SLC44A5: variants seen among roughly 807,000 people sequenced by gnomAD.
The protein encoded by SLC44A5 is solute carrier family 44 member 5.
Under a neutral mutation model 101.8 loss-of-function variants are expected in SLC44A5, and 57 were observed. The ratio of observed to expected loss-of-function variants is 0.56; its 90% CI spans 0.45 to 0.70. The LOEUF is 0.70. Ranked by LOEUF, SLC44A5 falls within the 30% of genes least tolerant of loss-of-function variation. The pLI, the probability that SLC44A5 is intolerant of heterozygous loss-of-function variation, is 0.00. For missense variants in SLC44A5, 737 were observed against 853.1 expected (o/e 0.86, Z 1.70); for synonymous variants, 281 against 290.9 (o/e 0.97, Z 0.35).
chr1:75,613,957 G>A (rs1200192480), upstream of SLC44A5, among the ~76,000 whole-genome samples: 1 of 152,096 alleles, frequency 6.6e-6, no homozygotes, highest in African/African-American at 2.4e-5. Context: ...AATTTCAAGG[G>A]TAAGATTTTC....
At chr1:75,562,690 A>G (rs1435955566) in intron 1 of SLC44A5, among the ~76,000 whole-genome samples, 1 of 145,278 alleles carries the variant, frequency 6.9e-6, no homozygotes, top group Non-Finnish European at 1.5e-5. Context: ...ACTCTGTCAC[A>G]AAAAAATATA....
the SLC44A5 span, among the ~76,000 whole-genome samples, chr1:75,622,031 T>C: frequency 6.6e-6 from 1 of 152,094 alleles, no homozygotes; most frequent in Non-Finnish European, 1.5e-5. Context: ...ATAATAAAAT[T>C]TCACCTGAAT....
chr1:75,419,218 T>A (rs1034676867), intron 2 of SLC44A5, among the ~76,000 whole-genome samples: 14 of 152,220 alleles, frequency 9.2e-5, no homozygotes, highest in Admixed American at 3.3e-4. Flanking sequence ...TAATTTTTTT[T>A]TAAATTGGAA....
intron 4 of SLC44A5, among the ~76,000 whole-genome samples, chr1:75,308,815 C>T (rs538904618): frequency 9.2e-5 from 14 of 152,182 alleles, no homozygotes; most frequent in Admixed American, 3.3e-4. Flanking sequence ...AATGAACTTC[C>T]GGAAATTCTC....
chr1:75,672,153 A>T, the SLC44A5 span, among the ~76,000 whole-genome samples: 1 of 152,276 alleles, frequency 6.6e-6, no homozygotes, highest in East Asian at 1.9e-4. Flanking sequence ...AACTTGCAAC[A>T]GTATCTGCTT....
chr1:75,488,878 C>T (rs1397268712), intron 2 of SLC44A5, among the ~76,000 whole-genome samples: 2 of 152,088 alleles, frequency 1.3e-5, no homozygotes, highest in Admixed American at 6.6e-5. Flanking sequence ...GACTGAGTTT[C>T]GATCTTGTTG....
chr1:75,599,228 T>A (rs954075314), intron 1 of SLC44A5, among the ~76,000 whole-genome samples: 5 of 152,134 alleles, frequency 3.3e-5, no homozygotes, highest in African/African-American at 4.8e-5. Context: ...AATGGGTATC[T>A]AGGAAGGGAC....
In SLC44A5 at chr1:75,385,575, C is replaced by T. The variant is rs150867421; in HGVS notation, c.52+11008G>A. 1.1e-3 allele frequency among the ~76,000 whole-genome samples: 171 copies of T among 152,214 alleles called. 3 individuals are homozygous for T. The East Asian group carries it at 0.027, about 24-fold the overall frequency. The stretch of plus-strand genomic sequence containing the variant: ...ATTGTGGCAATAATCAATAGCTTAC[C>T]GACCAAAAAGAATCCAGGACCAGAT... On this transcript the variant is annotated intron_variant, in intron 3 of 23. Transcript: ENST00000370859.
chr1:75,404,663 C>T (rs1387965621), intron 2 of SLC44A5, among the ~76,000 whole-genome samples: 1 of 152,116 alleles, frequency 6.6e-6, no homozygotes, highest in Non-Finnish European at 1.5e-5. Context: ...GTTTTGTCAC[C>T]ACCAGGACTG....
At chr1:75,708,387 C>T in the SLC44A5 span, among the ~76,000 whole-genome samples, 2 of 116,768 alleles carry the variant, frequency 1.7e-5, no homozygotes, top group South Asian at 5.7e-4. Flanking sequence ...GCACTCCAGC[C>T]TGTGTGACAG....
chr1:75,234,191 A>G (rs1441658731), intron 11 of SLC44A5, 93 bp from the exon 12 acceptor site: 3 of 773,306 alleles, frequency 3.9e-6, no homozygotes, highest in Non-Finnish European at 2.2e-6. Context: ...ATTCAAAATT[A>G]TTCTTAAATT....
intron 1 of SLC44A5, among the ~76,000 whole-genome samples, chr1:75,594,332 A>C (rs1478193357): frequency 6.6e-6 from 1 of 151,964 alleles, no homozygotes; most frequent in Non-Finnish European, 1.5e-5. Context: ...GAAAAAAAAG[A>C]ACATGTTTAA....
chr1:75,388,013 A>T (rs1483691992), intron 3 of SLC44A5, among the ~76,000 whole-genome samples: 1 of 143,992 alleles, frequency 6.9e-6, no homozygotes, highest in Non-Finnish European at 1.5e-5. Context: ...TTGAACAATG[A>T]GATCACCTGG....
intron 12 of SLC44A5, among the ~76,000 whole-genome samples, chr1:75,231,837 A>G (rs1647600014): frequency 6.6e-6 from 1 of 152,156 alleles, no homozygotes. Flanking sequence ...CTTCTCCTGT[A>G]TACCTCTTAA....
chr1:75,357,694 C>T (rs768347225), intron 3 of SLC44A5, among the ~76,000 whole-genome samples: 1 of 152,054 alleles, frequency 6.6e-6, no homozygotes, highest in Non-Finnish European at 1.5e-5. Context: ...GGAAGGAAAA[C>T]TTGGGATAGA....
the SLC44A5 span, among the ~76,000 whole-genome samples, chr1:75,653,646 T>A: frequency 6.6e-6 from 1 of 152,204 alleles, no homozygotes; most frequent in South Asian, 2.1e-4. Flanking sequence ...CTATTTAGCA[T>A]CTAAAAGATA....
intron 2 of SLC44A5, among the ~76,000 whole-genome samples, chr1:75,516,738 C>A (rs1011990974): frequency 1.3e-5 from 2 of 152,232 alleles, no homozygotes; most frequent in East Asian, 3.9e-4. Context: ...CACACAGTCG[C>A]CCAACAAGTT....
intron 3 of SLC44A5, among the ~76,000 whole-genome samples, chr1:75,375,462 A>T (rs2175617): frequency 4.6e-5 from 7 of 152,166 alleles, no homozygotes; most frequent in Admixed American, 2.6e-4. Context: ...AGAAGTTGAC[A>T]TGTAAGTTCA....
intron 2 of SLC44A5, among the ~76,000 whole-genome samples, chr1:75,470,717 G>C: frequency 6.6e-6 from 1 of 151,670 alleles, no homozygotes; most frequent in Non-Finnish European, 1.5e-5. Flanking sequence ...CAAGGCCAGA[G>C]AGAAGCGTGA....
Sources: gnomAD v4.1 joint callset for allele counts (sites outside exome capture counted in the v4.1 genomes callset) on GRCh38, gnomAD v4.1.1 for gene constraint, MANE v1.5 for transcripts, NCBI Gene and HGNC (gene_info 2026-07-23, HGNC 2026-07-21) for gene names.